The following HAP1 variants were observed in gnomAD, a reference collection of about 807,000 sequenced individuals.
HAP1 encodes the protein huntingtin associated protein 1, also known as huntingtin-associated protein 1.
In HAP1, 59 loss-of-function variants were observed where a neutral mutation model predicts 60.3. That is an observed-to-expected ratio of 0.98 (90% CI 0.79 to 1.22). The LOEUF (loss-of-function observed/expected upper bound fraction) is 1.22, where lower values mean the gene tolerates loss of function less well. Ranked by LOEUF, HAP1 falls within the 50% of genes most tolerant of loss-of-function variation. The pLI, the probability that HAP1 is intolerant of heterozygous loss-of-function variation, is 0.00. For missense variants in HAP1, 825 were observed against 785.3 expected (o/e 1.05, Z -0.60); for synonymous variants, 346 against 330.6 (o/e 1.05, Z -0.50).
chr17:41,733,196 C>T (rs181408528), intron 1 of HAP1, among the ~76,000 whole-genome samples: 53 of 150,994 alleles, frequency 3.5e-4, no homozygotes, highest in African/African-American at 1.2e-3. Flanking sequence ...GGGTTATACA[C>T]GCCCGCCACC....
rs1911378782 is a variant in HAP1, at chr17:41,723,766, C to CA, written c.*934dup. ...CAGTGCTATTCCACCCGGCAGTGACCAAAGGGCCATGAGAATGGGGACAGG... is the reference window on the plus strand; with the variant it reads ...CAGTGCTATTCCACCCGGCAGTGACCAAAAGGGCCATGAGAATGGGGACAGG... On this transcript the variant is annotated 3_prime_UTR_variant, in exon 11 of 11. Transcript: ENST00000347901. 1 of 152,452 alleles carries CA rather than the reference C, an allele frequency of 6.6e-6. No homozygotes were observed. Among genetic ancestry groups the CA allele is most frequent in the Admixed American group, 6.5e-5 (1 of 15,272 alleles). The allele number at this position is 152,452 out of a possible 1,614,324, so 9.4% of individuals were successfully genotyped here.
intron 10 of HAP1, among the ~76,000 whole-genome samples, 186 bp downstream of exon 10, chr17:41,725,673 C>T (rs531368095): frequency 6.2e-4 from 94 of 152,228 alleles, no homozygotes; most frequent in African/African-American, 2.1e-3. Flanking sequence ...TGGAATCAGA[C>T]GGCCACCCAG....
intron 6 of HAP1, among the ~76,000 whole-genome samples, chr17:41,730,668 G>A (rs1912125218): frequency 6.6e-6 from 1 of 152,160 alleles, no homozygotes; most frequent in South Asian, 2.1e-4. Flanking sequence ...GGGGTAAAGG[G>A]AACAGCAGGA....
At position 41,734,483 on chromosome 17, in the gene HAP1, C is replaced by T; in HGVS notation, c.152G>A (p.Gly51Glu). 6.2e-7 allele frequency: 1 copy of T among 1,612,006 alleles called. No individual in the cohort carries two copies. Among genetic ancestry groups the T allele is most frequent in the Non-Finnish European group, 8.5e-7 (1 of 1,179,456 alleles). The change falls in exon 1 of 11, where the codon GGA becomes GAA. Residue 51 changes from glycine to glutamate, a missense_variant. By Grantham distance (98) the Gly-to-Glu change is moderately conservative. Coordinates refer to ENST00000347901, the MANE Select transcript of HAP1 (RefSeq NM_177977.3). Reference sequence around the variant, plus strand: ...CTGGGATCCAGAGGTGGCTCGGGATCCTACTCTCTGTCCAGTGCCCCGTGC... The same window carrying T: ...CTGGGATCCAGAGGTGGCTCGGGATTCTACTCTCTGTCCAGTGCCCCGTGC... ...PQARGTGQRV[G>E]SRATSGSQFL...
In HAP1 at chr17:41,724,979, C is replaced by G; in HGVS notation, c.1582G>C (p.Glu528Gln). 1 of 1,612,730 alleles carries G rather than the reference C, an allele frequency of 6.2e-7. No homozygotes were observed. Among genetic ancestry groups the G allele is most frequent in the Non-Finnish European group, 8.5e-7 (1 of 1,179,982 alleles). The change falls in exon 11 of 11, where the codon GAA (glutamate) becomes CAA (glutamine). Residue 528 changes from glutamate to glutamine, a missense_variant. Coordinates refer to ENST00000347901, the MANE Select transcript of HAP1 (RefSeq NM_177977.3). ...TCCTCTGACACCAGCTCTGCCTCTT[C>G]CATCACCCCTTCCTCAGCCGGCACC... ...KKVPAEEGVM[E>Q]EAELVSEETE...
In HAP1 at chr17:41,724,968, C is replaced by T; in HGVS notation, c.1593G>A (p.Glu531=). The change falls in exon 11 of 11, where the codon GAG becomes GAA. Residue 531 remains glutamate, a synonymous_variant. Coordinates refer to ENST00000347901, the MANE Select transcript of HAP1 (RefSeq NM_177977.3). ...AGCCCTCGGTCTCCTCTGACACCAGCTCTGCCTCTTCCATCACCCCTTCCT... is the reference window on the plus strand; with the variant it reads ...AGCCCTCGGTCTCCTCTGACACCAGTTCTGCCTCTTCCATCACCCCTTCCT... ...PAEEGVMEEA[E]LVSEETEGWE... is the part of the protein sequence containing the mutation. The T allele has an allele frequency of 6.2e-7, 1 of 1,612,726 alleles. No individual in the cohort carries two copies. Among genetic ancestry groups the T allele is most frequent in the Non-Finnish European group, 8.5e-7 (1 of 1,179,974 alleles).
chr17:41,732,238 T>C lies in HAP1; in HGVS notation c.706A>G (p.Lys236Glu). ...SKLEALLGSA[K>E]EEILYLRHQV... ...CCTCCCCACCCGGTTACCTCCTCCTTGGCTGAGCCCAGCAGGGCTTCCAGC... is the reference window on the plus strand; with the variant it reads ...CCTCCCCACCCGGTTACCTCCTCCTCGGCTGAGCCCAGCAGGGCTTCCAGC... The change falls in exon 3 of 11, where the codon AAG becomes GAG. Residue 236 changes from lysine (K) to glutamate (E), a missense_variant. Lys to Glu is a moderately conservative substitution (Grantham distance 56). Transcript: ENST00000347901. The C allele has an allele frequency of 6.2e-7, 1 of 1,614,150 alleles. No individual in the cohort carries two copies. The highest frequency in any genetic ancestry group is 8.5e-7 in the Non-Finnish European group (1 of 1,180,008).
downstream of HAP1, chr17:41,721,198 G>A (rs532144052): frequency 2.6e-5 from 4 of 152,300 alleles, no homozygotes; most frequent in African/African-American, 9.6e-5. Flanking sequence ...TTTGGCAGGG[G>A]GGCCACAAAG....
chr17:41,725,068 C>A lies in HAP1; in HGVS notation c.1493G>T (p.Arg498Leu). ...EGLMLAADIM[R>L]GEDFTPAEEF... ...CTCCGCAGGCGTGAAATCTTCCCCC[C>A]GCATGATATCCGCTGCCAGCATCAA... is the stretch of plus-strand genomic sequence containing the variant. Residue 498 changes from arginine (R) to leucine (L), a missense_variant, in exon 11 of 11, where the codon CGG becomes CTG. By Grantham distance (102) the Arg-to-Leu change is moderately radical (BLOSUM62 -2). Coordinates refer to ENST00000347901, the MANE Select transcript of HAP1 (RefSeq NM_177977.3). 2 of 1,612,586 alleles carry A rather than the reference C, an allele frequency of 1.2e-6. No individual in the cohort carries two copies. The highest frequency in any genetic ancestry group is 1.3e-5 in the African/African-American group (1 of 75,008).
At position 41,725,152 on chromosome 17, in the gene HAP1, T is replaced by G. The variant is rs782059464; in HGVS notation, c.1409A>C (p.Tyr470Ser). 1 of 1,573,386 alleles carries G rather than the reference T, an allele frequency of 6.4e-7. No individual in the cohort carries two copies. Among genetic ancestry groups the G allele is most frequent in the Non-Finnish European group, 8.6e-7 (1 of 1,157,266 alleles). The change falls in exon 11 of 11, where the codon TAT becomes TCT. Residue 470 changes from tyrosine (Y) to serine (S), a missense_variant and splice_region_variant. Coordinates refer to ENST00000347901, the MANE Select transcript of HAP1 (RefSeq NM_177977.3). ...MPRGDTSSLR[Y>S]DFRYSEDREQ... ...TCGATCCTCACTGTAGCGAAAATCA[T>G]ACCTGGGCGGGAGATAGCGACATCT...
rs1324444623 is a variant in HAP1, at chr17:41,723,761, G to C, written c.*940C>G. ...GAAGCCAGTGCTATTCCACCCGGCA[G>C]TGACCAAAGGGCCATGAGAATGGGG... On this transcript the variant is annotated 3_prime_UTR_variant, in exon 11 of 11. Coordinates refer to ENST00000347901, the MANE Select transcript of HAP1 (RefSeq NM_177977.3). The C allele has an allele frequency of 4.6e-5, 7 of 152,618 alleles. No homozygotes were observed. The highest frequency in any genetic ancestry group is 3.9e-4 in the Admixed American group (6 of 15,302). 9.5% of individuals were successfully genotyped at this position (152,618 alleles called of 1,614,324 possible). A position where few individuals can be genotyped will look rare whatever the true frequency, so the allele number is the denominator to read the frequency against.
chr17:41,727,147 A>C lies in HAP1; in HGVS notation c.1276-3T>G. ...TCCTGGAAACCAGGAAGAGTCTCCT[A>C]TGGTGGAGAGAACAGACGTTACCAG... On this transcript the variant is annotated splice_polypyrimidine_tract_variant and splice_region_variant and intron_variant, in intron 8 of 10. Coordinates refer to ENST00000347901, the MANE Select transcript of HAP1 (RefSeq NM_177977.3). 5 of 1,531,014 alleles carry C rather than the reference A, an allele frequency of 3.3e-6. No homozygotes were observed. Among genetic ancestry groups the C allele is most frequent in the Non-Finnish European group, 4.5e-6 (5 of 1,104,970 alleles). 94.8% of individuals were successfully genotyped at this position (1,531,014 alleles called of 1,614,324 possible).
At chr17:41,726,868 A>G (rs1225295541) in intron 9 of HAP1, among the ~76,000 whole-genome samples, 185 bp downstream of exon 9, 1 of 152,098 alleles carries the variant, frequency 6.6e-6, no homozygotes, top group Non-Finnish European at 1.5e-5. Flanking sequence ...ATCTCAAAAA[A>G]AAAAAAAATA....
Position 41,734,323 on chromosome 17 carries a change from C to T in HAP1, c.312G>A (p.Trp104Ter), listed in dbSNP as rs782436773. ...ACGGCCCTTGGAATACGAAGCGGGT[C>T]CACGGCGCGTCCGAATTGTCGGGCA... Reference protein sequence around the residue: ...RSMPDNSDAPWTRFVFQGPFG... With the variant: ...RSMPDNSDAP The change falls in exon 1 of 11, where the codon TGG becomes TGA. Residue 104 changes from tryptophan to a stop codon, truncating the protein, a stop_gained. Transcript: ENST00000347901. LOFTEE classifies it high-confidence loss of function. 2 of 1,609,012 alleles carry T rather than the reference C, an allele frequency of 1.2e-6. No individual in the cohort carries two copies. Among genetic ancestry groups the T allele is most frequent in the South Asian group, 2.2e-5 (2 of 90,802 alleles).
At chr17:41,733,054 G>GTTTTTTT (rs71155166) in intron 1 of HAP1, among the ~76,000 whole-genome samples, 3 of 99,076 alleles carry the variant, frequency 3.0e-5, no homozygotes, top group Non-Finnish European at 5.5e-5. Context: ...TTTTTTTTTG[G>GTTTTTTT]TTTTTTTTTT....
downstream of HAP1, among the ~76,000 whole-genome samples, chr17:41,719,142 C>T (rs1012111615): frequency 6.6e-6 from 1 of 151,872 alleles, no homozygotes; most frequent in African/African-American, 2.4e-5. Context: ...CCATGCCAGG[C>T]TAATTTTTGT....
intron 10 of HAP1, 116 bp from the exon 11 acceptor site, chr17:41,725,270 G>T (rs1555588524): frequency 3.5e-6 from 3 of 850,412 alleles, no homozygotes; most frequent in Non-Finnish European, 5.3e-6. Context: ...CCCAGCCAGG[G>T]GAGAGGGGAG....
At chr17:41,733,440 G>A (rs1489146721) in intron 1 of HAP1, among the ~76,000 whole-genome samples, 4 of 141,536 alleles carry the variant, frequency 2.8e-5, no homozygotes, top group African/African-American at 7.9e-5. Context: ...GGGCTCTCCG[G>A]ACACCTGGGT....
At position 41,731,744 on chromosome 17, in the gene HAP1, C is replaced by T; in HGVS notation, c.897-1G>A. On this transcript the variant is annotated splice_acceptor_variant, in intron 4 of 10. Coordinates refer to ENST00000347901, the MANE Select transcript of HAP1 (RefSeq NM_177977.3). LOFTEE classifies it high-confidence loss of function. ...GTGCAGCAATGCCTCCTGCGAAATCCTAGGGGAGGGAGGAATGGGAGTCAG... is the reference window on the plus strand; with the variant it reads ...GTGCAGCAATGCCTCCTGCGAAATCTTAGGGGAGGGAGGAATGGGAGTCAG... The T allele has an allele frequency of 1.2e-6, 2 of 1,609,540 alleles. No individual in the cohort carries two copies. The highest frequency in any genetic ancestry group is 1.7e-6 in the Non-Finnish European group (2 of 1,176,132).
Sources: gnomAD v4.1 joint callset for allele counts (sites outside exome capture counted in the v4.1 genomes callset) on GRCh38, gnomAD v4.1.1 for gene constraint, MANE v1.5 for transcripts, NCBI Gene and HGNC (gene_info 2026-07-23, HGNC 2026-07-21) for gene names.